MAP1B: variants seen among roughly 807,000 people sequenced by gnomAD.
The protein encoded by MAP1B is microtubule-associated protein 1B.
Under a neutral mutation model 176.1 loss-of-function variants are expected in MAP1B, and 12 were observed. The ratio of observed to expected loss-of-function variants is 0.07; its 90% CI spans 0.04 to 0.11. The LOEUF (loss-of-function observed/expected upper bound fraction) is 0.11. Ranked by LOEUF, MAP1B falls within the 10% of genes least tolerant of loss-of-function variation. The probability of loss-of-function intolerance (pLI) is 1.00; values close to 1 mark genes in which losing one functional copy is unlikely to be tolerated. For missense variants in MAP1B, 2,523 were observed against 2,990.5 expected, an observed-to-expected ratio of 0.84 and a Z score of 3.65; for synonymous variants, 1,044 against 1,135.0, an observed-to-expected ratio of 0.92 and a Z score of 1.61.
Position 72,107,523 on chromosome 5 carries a change from G to T in MAP1B, c.-9G>T. The T allele has an allele frequency of 6.4e-7, 1 of 1,554,644 alleles. No homozygotes were observed. Among genetic ancestry groups the T allele is most frequent in the East Asian group, 2.4e-5 (1 of 42,348 alleles). On this transcript the variant is annotated 5_prime_UTR_variant, in exon 1 of 7. Transcript: ENST00000296755. ...CGAGACACTTCGCCGAGGCACAGCA[G>T]CCGGCAGGATGGCGACCGTGGTGGT...
Position 72,194,280 on chromosome 5 carries a change from C to G in MAP1B, c.925C>G (p.Leu309Val). The change falls in exon 5 of 7, where the codon CTC becomes GTC. Residue 309 changes from leucine to valine, a missense_variant. Leu to Val is a conservative substitution (Grantham distance 32). Around this residue, in one of 4 missense-constraint regions of MAP1B, gnomAD observed 307 missense variants for 438.4 expected, o/e 0.70. Transcript: ENST00000296755. This position sits in a 1 kb window ranked among gnomAD's most constrained non-coding sequence, Gnocchi z 7.2. Reference sequence around the variant, plus strand: ...CTTAGACCGAGTGGACTCCATCCTGCTCACCCACATTGGGGATGACAATTT... The same window carrying G: ...CTTAGACCGAGTGGACTCCATCCTGGTCACCCACATTGGGGATGACAATTT... ...RHLDRVDSILLTHIGDDNLPG... is the reference protein window; with the variant it reads ...RHLDRVDSILVTHIGDDNLPG... 6.2e-7 allele frequency: 1 copy of G among 1,614,210 alleles called. No individual in the cohort carries two copies. The highest frequency in any genetic ancestry group is 8.5e-7 in the Non-Finnish European group (1 of 1,180,042).
intron 2 of MAP1B, among the ~76,000 whole-genome samples, chr5:72,154,046 A>G (rs1579997847): frequency 6.6e-6 from 1 of 152,344 alleles, no homozygotes; most frequent in East Asian, 1.9e-4. Flanking sequence ...ATTGTACAAA[A>G]GTAAAACCAA....
chr5:72,197,927 T>C lies in MAP1B; in HGVS notation c.4572T>C (p.Gly1524=). The C allele has an allele frequency of 6.2e-7, 1 of 1,614,212 alleles. No homozygotes were observed. The highest frequency in any genetic ancestry group is 8.5e-7 in the Non-Finnish European group (1 of 1,180,042). Residue 1524 remains glycine, a synonymous_variant, in exon 5 of 7, where the codon GGT becomes GGC. Transcript: ENST00000296755. ...KEDTKMSISE[G]TVSDKSATPV... ...ACACTAAGATGTCCATTTCTGAAGGTACTGTCTCAGACAAGTCAGCTACTC... is the reference window on the plus strand; with the variant it reads ...ACACTAAGATGTCCATTTCTGAAGGCACTGTCTCAGACAAGTCAGCTACTC...
Position 72,199,210 on chromosome 5 carries a change from A to G in MAP1B, c.5855A>G (p.Glu1952Gly). ...GAGAAGACCACACGGACCCCTGAAG[A>G]GGGTGGGTACTCATATGACATAAGT... ...IIEKTTRTPE[E>G]GGYSYDISEK... is the part of the protein sequence containing the mutation. Residue 1952 changes from glutamate (E) to glycine (G), a missense_variant, in exon 5 of 7, where the codon GAG becomes GGG. By Grantham distance (98) the Glu-to-Gly change is moderately conservative (BLOSUM62 -2). Coordinates refer to ENST00000296755, the MANE Select transcript of MAP1B (RefSeq NM_005909.5). This position sits in a 1 kb window ranked among gnomAD's most constrained non-coding sequence, Gnocchi z 4.2. 3.7e-6 allele frequency: 6 copies of G among 1,614,112 alleles called. No homozygotes were observed. The highest frequency in any genetic ancestry group is 5.1e-6 in the Non-Finnish European group (6 of 1,179,974).
chr5:72,167,104 T>C (rs1746447838), intron 2 of MAP1B, among the ~76,000 whole-genome samples: 1 of 151,590 alleles, frequency 6.6e-6, no homozygotes, highest in South Asian at 2.1e-4. Context: ...ATGCAGACAT[T>C]ACAAAAGAGA....
At chr5:72,126,524 T>C (rs1745633771) in intron 2 of MAP1B, among the ~76,000 whole-genome samples, 1 of 152,194 alleles carries the variant, frequency 6.6e-6, no homozygotes, top group Non-Finnish European at 1.5e-5. Context: ...ATCACCACTC[T>C]CTCCCATGGA....
At chr5:72,200,680 G>T (rs1356212422) in intron 5 of MAP1B, among the ~76,000 whole-genome samples, 1 of 152,126 alleles carries the variant, frequency 6.6e-6, no homozygotes, top group African/African-American at 2.4e-5. Flanking sequence ...GTGTCTTTCA[G>T]GTGCTTCTGG....
In MAP1B at chr5:72,204,325, C is replaced by T. The variant is rs1747396960; in HGVS notation, c.7251+524C>T. ...ACATCATGCCTGACCACAAACCATC[C>T]CTTATTTATTTAATGACAGGGTCTC... On this transcript the variant is annotated intron_variant, in intron 6 of 6. Coordinates refer to ENST00000296755, the MANE Select transcript of MAP1B (RefSeq NM_005909.5). This position sits in a 1 kb window ranked among gnomAD's most constrained non-coding sequence, Gnocchi z 4.4. Among the ~76,000 whole-genome samples the T allele has an allele frequency of 6.6e-6, 1 of 152,156 alleles. No individual in the cohort carries two copies. Among genetic ancestry groups the T allele is most frequent in the African/African-American group, 2.4e-5 (1 of 41,426 alleles).
chr5:72,165,403 A>G (rs1266178230), intron 2 of MAP1B, among the ~76,000 whole-genome samples: 2 of 152,212 alleles, frequency 1.3e-5, no homozygotes, highest in African/African-American at 2.4e-5. Context: ...CGTCAAGTCC[A>G]CAGACCCAGA....
chr5:72,121,296 G>A (rs763505651), intron 2 of MAP1B, among the ~76,000 whole-genome samples: 28 of 152,212 alleles, frequency 1.8e-4, no homozygotes, highest in African/African-American at 6.8e-4. Flanking sequence ...GACTATAGAC[G>A]TTGCCAGGTT....
intron 2 of MAP1B, among the ~76,000 whole-genome samples, chr5:72,169,068 T>C (rs1282492908): frequency 2.0e-5 from 3 of 152,202 alleles, no homozygotes; most frequent in Non-Finnish European, 4.4e-5. Flanking sequence ...AAAAATATGG[T>C]TTGGGGGCAT....
intron 2 of MAP1B, among the ~76,000 whole-genome samples, chr5:72,156,687 T>C (rs945496543): frequency 4.6e-5 from 7 of 152,218 alleles, no homozygotes; most frequent in African/African-American, 1.7e-4. Flanking sequence ...GTTCCCATTT[T>C]GCAAACCAGG....
chr5:72,183,974 G>T, intron 3 of MAP1B, 149 bp downstream of exon 3: 1 of 646,100 alleles, frequency 1.5e-6, no homozygotes, highest in Non-Finnish European at 2.7e-6. Context: ...CCCCCATTAA[G>T]TGGCTGGTTC....
At chr5:72,146,057 C>CT (rs1250382218) in intron 2 of MAP1B, among the ~76,000 whole-genome samples, 9 of 152,160 alleles carry the variant, frequency 5.9e-5, no homozygotes, top group East Asian at 1.9e-4. Flanking sequence ...AATTTACACT[C>CT]TTTTTTTAAA....
At chr5:72,148,439 A>G (rs1296784750) in intron 2 of MAP1B, among the ~76,000 whole-genome samples, 1 of 152,236 alleles carries the variant, frequency 6.6e-6, no homozygotes, top group African/African-American at 2.4e-5. Flanking sequence ...CCAGTTTTGA[A>G]TATCCTTCTT....
At chr5:72,181,723 A>ATT (rs33951504) in intron 2 of MAP1B, among the ~76,000 whole-genome samples, 48,575 of 138,420 alleles carry the variant, frequency 0.35, 9,095 homozygotes, top group Non-Finnish European at 0.39. Flanking sequence ...ACACCCAGCT[A>ATT]TTTTTTTTTT....
At chr5:72,127,645 G>T (rs1198038706) in intron 2 of MAP1B, among the ~76,000 whole-genome samples, 1 of 152,100 alleles carries the variant, frequency 6.6e-6, no homozygotes, top group African/African-American at 2.4e-5. Context: ...GTGATATTAT[G>T]TGTTTACAAC....
Position 72,195,984 on chromosome 5 carries a change from G to A in MAP1B, c.2629G>A (p.Val877Ile), listed in dbSNP as rs974643611. Reference protein sequence around the residue: ...LKETEPVEAYVIQKEREVTKG... With the variant: ...LKETEPVEAYIIQKEREVTKG... ...GGAAACTGAGCCAGTCGAAGCCTAC[G>A]TCATCCAGAAGGAGAGAGAAGTCAC... The change falls in exon 5 of 7, where the codon GTC becomes ATC. Residue 877 changes from valine to isoleucine, a missense_variant. By Grantham distance (29) the Val-to-Ile change is conservative. Coordinates refer to ENST00000296755, the MANE Select transcript of MAP1B (RefSeq NM_005909.5). 5.0e-6 allele frequency: 8 copies of A among 1,614,118 alleles called. No homozygotes were observed. The highest frequency in any genetic ancestry group is 2.2e-5 in the East Asian group (1 of 44,898).
intron 1 of MAP1B, among the ~76,000 whole-genome samples, chr5:72,112,472 A>T (rs1314194657): frequency 6.6e-6 from 1 of 152,022 alleles, no homozygotes; most frequent in African/African-American, 2.4e-5. Flanking sequence ...TTTCACCCTG[A>T]CTTGTTCTTT....
Sources: allele counts gnomAD v4.1 joint callset (sites outside exome capture counted in the v4.1 genomes callset), GRCh38; gene constraint gnomAD v4.1.1; regional missense constraint gnomAD v4.1.1; non-coding constraint Gnocchi (gnomAD v3.1); transcripts MANE v1.5; gene names NCBI Gene and HGNC (gene_info 2026-07-23, HGNC 2026-07-21).